OSMR: variants seen among roughly 807,000 people sequenced by gnomAD.
The protein encoded by OSMR is oncostatin M receptor.
In OSMR, 81 loss-of-function variants were observed where a neutral mutation model predicts 99.9. That is an observed-to-expected ratio of 0.81 (90% CI 0.68 to 0.97). The LOEUF (loss-of-function observed/expected upper bound fraction) is 0.97. Among genes scored for constraint, OSMR ranks in the 50% least tolerant of loss-of-function variants. The probability of loss-of-function intolerance (pLI) is 0.00; values close to 1 mark genes in which losing one functional copy is unlikely to be tolerated. For synonymous variants in OSMR, 406 were observed against 410.4 expected (o/e 0.99, Z 0.13); for missense variants, 1,099 against 1,153.4 (o/e 0.95, Z 0.68).
intron 4 of OSMR, among the ~76,000 whole-genome samples, chr5:38,882,644 G>A (rs1456777418): frequency 1.3e-5 from 2 of 152,030 alleles, no homozygotes; most frequent in Non-Finnish European, 2.9e-5. Context: ...AGACGGCGGG[G>A]TGGGGGGAAG....
At chr5:38,864,382 TATC>T (rs1741763416) in intron 1 of OSMR, among the ~76,000 whole-genome samples, 1 of 152,210 alleles carries the variant, frequency 6.6e-6, no homozygotes. Flanking sequence ...TGATGGTAGA[TATC>T]ATCCTTTCAC....
intron 7 of OSMR, among the ~76,000 whole-genome samples, chr5:38,895,739 C>T (rs79516302): frequency 1.1e-4 from 17 of 151,798 alleles, no homozygotes; most frequent in East Asian, 7.7e-4. Flanking sequence ...TCCAATGTCT[C>T]GGAGAGTTTC....
chr5:38,865,434 G>A (rs1741863577), intron 1 of OSMR, among the ~76,000 whole-genome samples: 1 of 152,232 alleles, frequency 6.6e-6, no homozygotes, highest in South Asian at 2.1e-4. Context: ...TATTGGTTGG[G>A]TAGAGAGAGT....
Position 38,928,588 on chromosome 5 carries a change from T to G in OSMR, c.2212+3217T>G, listed in dbSNP as rs1746576268. ...TATCACAAGAACAGCAGCATGGGGG[T>G]AGCCACCCCCATGATTCAATTGCCT... On this transcript the variant is annotated intron_variant, in intron 15 of 17. Transcript: ENST00000274276. Among the ~76,000 whole-genome samples, 2 of 151,798 alleles carry G rather than the reference T, an allele frequency of 1.3e-5. 1 individual carries two copies. Among genetic ancestry groups the G allele is most frequent in the South Asian group, 4.2e-4 (2 of 4,792 alleles).
chr5:38,932,962 T>G lies in OSMR; in HGVS notation c.2458T>G (p.Phe820Val), dbSNP rs767685791. The change falls in exon 18 of 18, where the codon TTC becomes GTC. Residue 820 changes from phenylalanine to valine, a missense_variant. By Grantham distance (50) the Phe-to-Val change is conservative. Coordinates refer to ENST00000274276, the MANE Select transcript of OSMR (RefSeq NM_003999.3). Reference protein sequence around the residue: ...VSKPEGTKIQFLGTRKSLTET... With the variant: ...VSKPEGTKIQVLGTRKSLTET... ...CAAGCCAGAAGGGACAAAGATACAG[T>G]TCCTAGGCACTAGGAAGTCACTCAC... 1.2e-6 allele frequency: 2 copies of G among 1,614,062 alleles called. No individual in the cohort carries two copies. The highest frequency in any genetic ancestry group is 2.7e-5 in the African/African-American group (2 of 74,934).
rs1255395631 is a variant in OSMR, at chr5:38,932,540, A to AT, written c.2367+6dup. ...CTGTCATTAATAAAATTCAAGGTAA[A>AT]TGTTGGCAAATTGTATGTATACCAT... is the stretch of plus-strand genomic sequence containing the variant. On this transcript the variant is annotated splice_donor_region_variant and intron_variant, in intron 17 of 17. Coordinates refer to ENST00000274276, the MANE Select transcript of OSMR (RefSeq NM_003999.3). 6.2e-7 allele frequency: 1 copy of AT among 1,611,430 alleles called. No homozygotes were observed. The highest frequency in any genetic ancestry group is 1.3e-5 in the African/African-American group (1 of 74,858).
At chr5:38,944,396 A>C (rs1747944061) in intron 2 of OSMR, 1 of 1,562,134 alleles carries the variant, frequency 6.4e-7, no homozygotes, top group Non-Finnish European at 8.7e-7. Context: ...TCTTTTCTCG[A>C]CTTAAAAAAC....
intron 7 of OSMR, among the ~76,000 whole-genome samples, chr5:38,894,872 C>T (rs1579728599): frequency 6.6e-6 from 1 of 152,116 alleles, no homozygotes; most frequent in East Asian, 1.9e-4. Context: ...AAGACATCTA[C>T]AGAACACTCC....
At chr5:38,865,996 G>A (rs1741907277) in intron 1 of OSMR, among the ~76,000 whole-genome samples, 1 of 152,194 alleles carries the variant, frequency 6.6e-6, no homozygotes, top group Non-Finnish European at 1.5e-5. Context: ...CCAGGAGGCA[G>A]GTGCAGATGC....
chr5:38,853,493 G>T (rs989215001), intron 1 of OSMR, among the ~76,000 whole-genome samples: 1 of 150,606 alleles, frequency 6.6e-6, no homozygotes, highest in Non-Finnish European at 1.5e-5. Flanking sequence ...AGAGTCCATG[G>T]TACTTAATTA....
chr5:38,884,385 A>C (rs970535307), intron 5 of OSMR, among the ~76,000 whole-genome samples: 3 of 152,156 alleles, frequency 2.0e-5, no homozygotes, highest in African/African-American at 7.2e-5. Flanking sequence ...CTGGGAAAAT[A>C]CCCTTTTTTG....
chr5:38,852,265 C>T (rs139792588), intron 1 of OSMR, among the ~76,000 whole-genome samples: 57 of 152,214 alleles, frequency 3.7e-4, no homozygotes, highest in African/African-American at 1.3e-3. Context: ...AACACATTTG[C>T]GTACAACATG....
intron 15 of OSMR, chr5:38,931,654 A>G (rs1746757655): frequency 3.4e-6 from 1 of 297,754 alleles, no homozygotes; most frequent in African/African-American, 2.3e-5. Context: ...GATAGATAGT[A>G]ACAAATTTGA....
At chr5:38,862,651 G>A (rs1052336816) in intron 1 of OSMR, among the ~76,000 whole-genome samples, 3 of 150,606 alleles carry the variant, frequency 2.0e-5, no homozygotes, top group Non-Finnish European at 4.5e-5. Context: ...GGGGCGGCAG[G>A]GCAGAGGCGC....
intron 1 of OSMR, chr5:38,943,166 T>TA (rs1561433212): frequency 8.9e-5 from 38 of 426,886 alleles, no homozygotes; most frequent in African/African-American, 8.1e-4. Flanking sequence ...GGGTTTTTTT[T>TA]TAAAAAAAAT....
intron 1 of OSMR, among the ~76,000 whole-genome samples, chr5:38,848,535 T>C (rs888364677): frequency 6.6e-6 from 1 of 152,220 alleles, no homozygotes; most frequent in African/African-American, 2.4e-5. Context: ...TGAAGTGAAA[T>C]GTAGACGTGC....
rs866378619 is a variant in OSMR at position 38,881,603 on chromosome 5, G to T, written c.257G>T (p.Ser86Ile). The T allele has an allele frequency of 2.5e-6, 4 of 1,614,026 alleles. No homozygotes were observed. The highest frequency in any genetic ancestry group is 3.4e-6 in the Non-Finnish European group (4 of 1,179,996). The change falls in exon 4 of 18, where the codon AGC becomes ATC. Residue 86 changes from serine (S) to isoleucine (I), a missense_variant. Physicochemically the swap from Ser to Ile is moderately radical, Grantham distance 142 (BLOSUM62 -2). Transcript: ENST00000274276. ...TCTCTTTGCTTTTAGGGGAATTACA[G>T]CACCACTGTGAAGTGGAACCAGGTT... ...TSNVIWVGNYSTTVKWNQVLH... is the reference protein window; with the variant it reads ...TSNVIWVGNYITTVKWNQVLH...
chr5:38,931,184 T>A (rs1234657459), intron 15 of OSMR, among the ~76,000 whole-genome samples: 2 of 152,190 alleles, frequency 1.3e-5, no homozygotes, highest in African/African-American at 2.4e-5. Flanking sequence ...ATTTATGTAA[T>A]CTGAGGCTAA....
intron 16 of OSMR, 109 bp from the exon 17 acceptor site, chr5:38,932,354 A>ATAAG: frequency 1.3e-6 from 1 of 796,074 alleles, no homozygotes; most frequent in Admixed American, 1.9e-5. Context: ...AACTTGCTTA[A>ATAAG]TAAGTTACAA....
Sources: gnomAD v4.1 joint callset for allele counts (sites outside exome capture counted in the v4.1 genomes callset) on GRCh38, gnomAD v4.1.1 for gene constraint, MANE v1.5 for transcripts, NCBI Gene and HGNC (gene_info 2026-07-23, HGNC 2026-07-21) for gene names.